Variants in GAS7 observed in about 807,000 individuals in gnomAD.
GAS7 encodes growth arrest-specific protein 7.
Under a neutral mutation model 71.1 loss-of-function variants are expected in GAS7, and 28 were observed. The ratio of observed to expected loss-of-function variants is 0.39; its 90% CI spans 0.29 to 0.54. The LOEUF is 0.54. Ranked by LOEUF, GAS7 falls within the 20% of genes least tolerant of loss-of-function variation. The probability of loss-of-function intolerance (pLI) is 0.62; values close to 1 mark genes in which losing one functional copy is unlikely to be tolerated. For synonymous variants in GAS7, 258 were observed against 245.8 expected (o/e 1.05, Z -0.46); for missense variants, 436 against 627.8 (o/e 0.69, Z 3.27).
chr17:10,096,905 G>C (rs1462526964), intron 1 of GAS7, among the ~76,000 whole-genome samples: 1 of 152,214 alleles, frequency 6.6e-6, no homozygotes, highest in Non-Finnish European at 1.5e-5. Flanking sequence ...CTTTGCAATA[G>C]AAAGGGTCCC....
chr17:10,050,627 T>C (rs373260153), intron 1 of GAS7, among the ~76,000 whole-genome samples: 29 of 152,218 alleles, frequency 1.9e-4, no homozygotes, highest in African/African-American at 6.0e-4. Flanking sequence ...GGTGACCCTC[T>C]CCATCAGGCC....
intron 1 of GAS7, among the ~76,000 whole-genome samples, chr17:10,161,951 C>T (rs1462246126): frequency 6.6e-6 from 1 of 151,554 alleles, no homozygotes; most frequent in Non-Finnish European, 1.5e-5. Context: ...CCTGTATTTC[C>T]AGCTACTCAG....
In GAS7 at chr17:9,916,319, G is replaced by A. The variant is rs2100136450; in HGVS notation, c.*909C>T. ...CCAAAGGTGCACAGGGCACCGTGGC[G>A]GACAGGCCCCAGCTTGCTGGCCTCT... On this transcript the variant is annotated 3_prime_UTR_variant, in exon 14 of 14. Coordinates refer to ENST00000432992, the MANE Select transcript of GAS7 (RefSeq NM_201433.2). The A allele has an allele frequency of 4.3e-6, 1 of 233,366 alleles. No individual in the cohort carries two copies. The highest frequency in any genetic ancestry group is 8.5e-6 in the Non-Finnish European group (1 of 118,124). The allele number at this position is 233,366 out of a possible 1,614,324, so 14.5% of individuals were successfully genotyped here.
chr17:10,014,793 C>G (rs1000315289), intron 2 of GAS7, among the ~76,000 whole-genome samples: 6 of 152,118 alleles, frequency 3.9e-5, no homozygotes, highest in Non-Finnish European at 8.8e-5. Flanking sequence ...TTTGGATCCC[C>G]AGAGCCCGGC....
chr17:10,046,644 G>C (rs535817886), intron 1 of GAS7, among the ~76,000 whole-genome samples: 6 of 143,300 alleles, frequency 4.2e-5, no homozygotes, highest in African/African-American at 1.6e-4. Context: ...TCTGAGGCAG[G>C]AGAATTGCTT....
chr17:9,993,419 G>A (rs1303005172), intron 2 of GAS7, among the ~76,000 whole-genome samples: 24 of 152,180 alleles, frequency 1.6e-4, no homozygotes, highest in Non-Finnish European at 2.9e-5. Context: ...AGAAGTGTCT[G>A]TTCATGTCCT....
In GAS7 at chr17:10,003,962, A is replaced by T. The variant is rs553131226; in HGVS notation, c.304+15815T>A. Among the ~76,000 whole-genome samples the T allele has an allele frequency of 1.7e-4, 26 of 152,262 alleles. No homozygotes were observed. The South Asian group carries it at 5.0e-3, about 29-fold the overall frequency. ...ACTCCAAGGTCTTCCTCCAACAATA[A>T]CAATCTCATCGATGGGACCTCATGC... On this transcript the variant is annotated intron_variant, in intron 2 of 13. Transcript: ENST00000432992.
intron 1 of GAS7, among the ~76,000 whole-genome samples, chr17:10,049,467 C>T (rs2073029773): frequency 6.6e-6 from 1 of 152,042 alleles, no homozygotes; most frequent in East Asian, 1.9e-4. Context: ...AAGACACAGA[C>T]ACATTAACAA....
chr17:10,005,832 C>T (rs1485533722), intron 2 of GAS7, among the ~76,000 whole-genome samples: 1 of 152,136 alleles, frequency 6.6e-6, no homozygotes, highest in Non-Finnish European at 1.5e-5. Context: ...ATCCCCAAAA[C>T]ATTATAATGC....
At chr17:9,994,819 A>T (rs1306890062) in intron 2 of GAS7, among the ~76,000 whole-genome samples, 1 of 152,166 alleles carries the variant, frequency 6.6e-6, no homozygotes, top group Non-Finnish European at 1.5e-5. Context: ...CAATGAACTC[A>T]AACAAATTTA....
At position 9,913,305 on chromosome 17, in the gene GAS7, G is replaced by A. The variant is rs779251174; in HGVS notation, c.*3923C>T. ...CTGTACCCCACTTAACATTAGAAGT[G>A]CTCTCTCCGACCTACACAAGGAATG... On this transcript the variant is annotated 3_prime_UTR_variant, in exon 14 of 14. Coordinates refer to ENST00000432992, the MANE Select transcript of GAS7 (RefSeq NM_201433.2). 3.9e-5 allele frequency: 9 copies of A among 232,596 alleles called. No homozygotes were observed. The highest frequency in any genetic ancestry group is 6.6e-5 in the African/African-American group (3 of 45,228). The allele number at this position is 232,596 out of a possible 1,614,324, so 14.4% of individuals were successfully genotyped here. A position where few individuals can be genotyped will look rare whatever the true frequency, so the allele number is the denominator to read the frequency against.
chr17:9,972,925 G>A (rs1472612864), intron 3 of GAS7, among the ~76,000 whole-genome samples: 1 of 152,196 alleles, frequency 6.6e-6, no homozygotes, highest in East Asian at 1.9e-4. Context: ...AGTATACCTG[G>A]AGGAAAATCC....
chr17:10,198,013 G>A (rs2074553308), intron 1 of GAS7, among the ~76,000 whole-genome samples, 195 bp downstream of exon 1: 1 of 152,140 alleles, frequency 6.6e-6, no homozygotes, highest in African/African-American at 2.4e-5. Flanking sequence ...AGTCCGCGTT[G>A]CCCACGCCCC....
At chr17:10,175,171 A>C (rs760284349) in intron 1 of GAS7, among the ~76,000 whole-genome samples, 12 of 151,444 alleles carry the variant, frequency 7.9e-5, no homozygotes, top group Non-Finnish European at 1.5e-4. Flanking sequence ...AATGATAATA[A>C]GGTAAAGAAG....
chr17:9,923,792 G>T (rs1487316194), intron 11 of GAS7, among the ~76,000 whole-genome samples: 1 of 152,136 alleles, frequency 6.6e-6, no homozygotes, highest in African/African-American at 2.4e-5. Context: ...TGCAGATCTG[G>T]TCTTAGGCAC....
chr17:10,048,273 G>A (rs557775877), intron 1 of GAS7, among the ~76,000 whole-genome samples: 7 of 152,354 alleles, frequency 4.6e-5, no homozygotes, highest in South Asian at 2.1e-4. Context: ...TTGCAACCTC[G>A]CGCCATTGCA....
In GAS7 at chr17:10,169,320, T is replaced by C. The variant is rs578143596; in HGVS notation, c.183+28888A>G. Among the ~76,000 whole-genome samples, 6 of 152,232 alleles carry C rather than the reference T, an allele frequency of 3.9e-5. No homozygotes were observed. In the South Asian group the frequency reaches 1.2e-3, roughly 32 times the overall value. On this transcript the variant is annotated intron_variant, in intron 1 of 13. Coordinates refer to ENST00000432992, the MANE Select transcript of GAS7 (RefSeq NM_201433.2). ...AAGTTCACATTTACACTCAGCACAA[T>C]GTAAAACCTTGTAGACAGTACCTCC...
Position 9,915,927 on chromosome 17 carries a change from G to C in GAS7, c.*1301C>G, listed in dbSNP as rs1028635708. 8.6e-6 allele frequency: 2 copies of C among 232,684 alleles called. No homozygotes were observed. Among genetic ancestry groups the C allele is most frequent in the Non-Finnish European group, 1.7e-5 (2 of 117,820 alleles). 14.4% of individuals were successfully genotyped at this position (232,684 alleles called of 1,614,324 possible). On this transcript the variant is annotated 3_prime_UTR_variant, in exon 14 of 14. Coordinates refer to ENST00000432992, the MANE Select transcript of GAS7 (RefSeq NM_201433.2). ...AACAGCAGCACTGAAAGCTTCCCAA[G>C]TCACACTCAGACCAGACTTTTCCAG...
intron 1 of GAS7, among the ~76,000 whole-genome samples, chr17:10,137,357 C>A (rs1243582619): frequency 6.6e-6 from 1 of 151,380 alleles, no homozygotes; most frequent in Non-Finnish European, 1.5e-5. Flanking sequence ...TTCCCCACAA[C>A]CTGCCCCCCT....
Sources: allele counts gnomAD v4.1 joint callset (sites outside exome capture counted in the v4.1 genomes callset), GRCh38; gene constraint gnomAD v4.1.1; transcripts MANE v1.5; gene names NCBI Gene and HGNC (gene_info 2026-07-23, HGNC 2026-07-21).